Variants in SKAP1 observed in about 807,000 individuals in gnomAD.
The protein encoded by SKAP1 is src kinase associated phosphoprotein 1.
In SKAP1, 44 loss-of-function variants were observed where a neutral mutation model predicts 58.5. That is an observed-to-expected ratio of 0.75 (90% CI 0.59 to 0.97). The LOEUF (loss-of-function observed/expected upper bound fraction) is 0.97. SKAP1 is among the 50% of genes least tolerant of loss of function. The probability of loss-of-function intolerance (pLI) is 0.00; values close to 1 mark genes in which losing one functional copy is unlikely to be tolerated. For missense variants in SKAP1, 390 were observed against 435.2 expected (o/e 0.90, Z 0.92); for synonymous variants, 127 against 149.7 (o/e 0.85, Z 1.11).
chr17:48,234,293 TAG>T (rs1157075106), intron 4 of SKAP1, among the ~76,000 whole-genome samples: 1 of 152,200 alleles, frequency 6.6e-6, no homozygotes, highest in East Asian at 1.9e-4. Context: ...CTACTTTAAT[TAG>T]AGTCACAGAA....
chr17:48,176,786 G>A (rs370581914), intron 9 of SKAP1, among the ~76,000 whole-genome samples: 13 of 152,126 alleles, frequency 8.5e-5, no homozygotes, highest in Non-Finnish European at 1.6e-4. Flanking sequence ...TGACCCATGC[G>A]TTATTTTGAT....
At chr17:48,328,841 C>T (rs1228741187) in intron 4 of SKAP1, among the ~76,000 whole-genome samples, 1 of 152,120 alleles carries the variant, frequency 6.6e-6, no homozygotes, top group African/African-American at 2.4e-5. Flanking sequence ...TCTACTTTCC[C>T]TCGCCCACCA....
intron 4 of SKAP1, among the ~76,000 whole-genome samples, chr17:48,218,983 G>A (rs933201880): frequency 6.6e-6 from 1 of 151,996 alleles, no homozygotes; most frequent in Admixed American, 6.6e-5. Flanking sequence ...TAAAGAGAAA[G>A]GCAGATTAAG....
chr17:48,161,635 A>C (rs1351113887), intron 11 of SKAP1, among the ~76,000 whole-genome samples: 1 of 152,226 alleles, frequency 6.6e-6, no homozygotes, highest in African/African-American at 2.4e-5. Flanking sequence ...CTAGGGGTTA[A>C]CTTATGACTG....
At chr17:48,142,981 CTTT>C (rs776705662) in intron 11 of SKAP1, among the ~76,000 whole-genome samples, 1 of 132,996 alleles carries the variant, frequency 7.5e-6, no homozygotes. Flanking sequence ...AAAAAAAAAA[CTTT>C]TTTTTTTTTT....
intron 11 of SKAP1, among the ~76,000 whole-genome samples, chr17:48,142,871 G>A (rs771907063): frequency 3.3e-5 from 5 of 151,862 alleles, no homozygotes; most frequent in African/African-American, 4.8e-5. Flanking sequence ...AGTGGTGCAA[G>A]TATAGCTCAC....
chr17:48,429,945 G>T (rs2067897018), intron 1 of SKAP1, 130 bp downstream of exon 1: 2 of 714,836 alleles, frequency 2.8e-6, no homozygotes, highest in Non-Finnish European at 4.0e-6. Context: ...GGAGTTGAGG[G>T]CTCTAGAAGC....
intron 4 of SKAP1, among the ~76,000 whole-genome samples, chr17:48,245,546 A>G (rs1598464870): frequency 6.6e-6 from 1 of 152,344 alleles, no homozygotes; most frequent in Non-Finnish European, 1.5e-5. Context: ...AAAAATGAAG[A>G]CAGCACTTAC....
chr17:48,289,324 A>G (rs1354684146), intron 4 of SKAP1, among the ~76,000 whole-genome samples: 1 of 152,168 alleles, frequency 6.6e-6, no homozygotes, highest in East Asian at 1.9e-4. Context: ...TTGGCATGTC[A>G]TTAAAAAAAT....
At chr17:48,360,887 C>T (rs9891073) in intron 3 of SKAP1, among the ~76,000 whole-genome samples, 2 of 151,618 alleles carry the variant, frequency 1.3e-5, no homozygotes, top group African/African-American at 4.8e-5. Flanking sequence ...GTACTAAGCT[C>T]GATGCTTACA....
chr17:48,325,427 C>T (rs1465659420), intron 4 of SKAP1, among the ~76,000 whole-genome samples: 1 of 151,980 alleles, frequency 6.6e-6, no homozygotes, highest in East Asian at 1.9e-4. Flanking sequence ...AATTACTGTT[C>T]GAATATTATC....
intron 4 of SKAP1, among the ~76,000 whole-genome samples, chr17:48,233,481 A>C (rs982236788): frequency 8.6e-5 from 13 of 151,916 alleles, no homozygotes; most frequent in Non-Finnish European, 1.8e-4. Context: ...TCTAGTAAAA[A>C]CAAGAATAGT....
chr17:48,259,062 A>G (rs1348498356), intron 4 of SKAP1, among the ~76,000 whole-genome samples: 1 of 152,082 alleles, frequency 6.6e-6, no homozygotes, highest in Non-Finnish European at 1.5e-5. Context: ...TGTTTGGGTA[A>G]CAATTAAAAT....
intron 3 of SKAP1, among the ~76,000 whole-genome samples, chr17:48,351,859 C>A (rs1298377753): frequency 6.6e-6 from 1 of 152,106 alleles, no homozygotes. Flanking sequence ...ACCGAAAGGG[C>A]AGCATAGCTT....
At chr17:48,372,549 C>T (rs2067100799) in intron 2 of SKAP1, among the ~76,000 whole-genome samples, 1 of 152,204 alleles carries the variant, frequency 6.6e-6, no homozygotes, top group East Asian at 1.9e-4. Flanking sequence ...AGGTGATTTG[C>T]CTGCCTTGGC....
Position 48,206,541 on chromosome 17 carries a change from TATTG to T in SKAP1, c.281-17045_281-17042del, listed in dbSNP as rs1378050114. ...TTACATAGTTAATGTAAACACTAAA[TATTG>T]ATTAACTAAAAATTATGATATAACC... is the stretch of plus-strand genomic sequence containing the variant. On this transcript the variant is annotated intron_variant, in intron 4 of 12. Transcript: ENST00000336915. Among the ~76,000 whole-genome samples the T allele has an allele frequency of 1.6e-4, 25 of 152,256 alleles. No individual in the cohort carries two copies. In the East Asian group the frequency reaches 4.6e-3, roughly 28 times the overall value.
intron 4 of SKAP1, among the ~76,000 whole-genome samples, chr17:48,334,295 T>G (rs2066540247): frequency 6.6e-6 from 1 of 152,010 alleles, no homozygotes; most frequent in South Asian, 2.1e-4. Context: ...ATTAATAAAT[T>G]CTGTTTTAAA....
At chr17:48,440,833 T>G in the SKAP1 span, among the ~76,000 whole-genome samples, 1 of 152,180 alleles carries the variant, frequency 6.6e-6, no homozygotes. Flanking sequence ...AAAACCAGGA[T>G]GCATTTTTTC....
chr17:48,174,544 A>G (rs1177306485), intron 9 of SKAP1, among the ~76,000 whole-genome samples: 1 of 152,252 alleles, frequency 6.6e-6, no homozygotes, highest in Non-Finnish European at 1.5e-5. Flanking sequence ...TTATATGGCA[A>G]CAGAAAAAAA....
Sources: allele counts gnomAD v4.1 joint callset (sites outside exome capture counted in the v4.1 genomes callset), GRCh38; gene constraint gnomAD v4.1.1; transcripts MANE v1.5; gene names NCBI Gene and HGNC (gene_info 2026-07-23, HGNC 2026-07-21).